AKAP6: variants seen among roughly 807,000 people sequenced by gnomAD.
AKAP6 encodes the protein A-kinase anchoring protein 6.
AKAP6 carries 58 observed loss-of-function variants against 188.5 expected under a neutral mutation model. That is an observed-to-expected ratio of 0.31 (90% CI 0.25 to 0.38). The LOEUF is 0.38. Among genes scored for constraint, AKAP6 ranks in the 10% least tolerant of loss-of-function variants. AKAP6 has a pLI of 1.00. For missense variants in AKAP6, 2,710 were observed against 2,740.0 expected (o/e 0.99, Z 0.24); for synonymous variants, 989 against 998.6 (o/e 0.99, Z 0.18).
At chr14:32,381,859 C>A (rs1888372706) in intron 1 of AKAP6, among the ~76,000 whole-genome samples, 1 of 152,154 alleles carries the variant, frequency 6.6e-6, no homozygotes, top group African/African-American at 2.4e-5. Flanking sequence ...TGGTTTTTAA[C>A]CAGTGTCTCT....
At chr14:32,624,882 A>G (rs56222603) in intron 7 of AKAP6, among the ~76,000 whole-genome samples, 2,744 of 152,194 alleles carry the variant, frequency 0.018, 96 homozygotes, top group African/African-American at 0.061. Flanking sequence ...TGACATTCAA[A>G]TCGTGTAATT....
chr14:32,802,127 A>G (rs1393484882), intron 12 of AKAP6, among the ~76,000 whole-genome samples: 1 of 152,132 alleles, frequency 6.6e-6, no homozygotes, highest in African/African-American at 2.4e-5. Flanking sequence ...TACCATTAGA[A>G]ATTTTCCCAC....
At chr14:32,488,476 G>A (rs755824811) in intron 2 of AKAP6, among the ~76,000 whole-genome samples, 8 of 152,188 alleles carry the variant, frequency 5.3e-5, no homozygotes, top group Non-Finnish European at 1.0e-4. Context: ...CTCCATGGGT[G>A]TGGGATTTGC....
chr14:32,752,818 A>G (rs2032189049), intron 11 of AKAP6, among the ~76,000 whole-genome samples: 1 of 152,142 alleles, frequency 6.6e-6, no homozygotes, highest in African/African-American at 2.4e-5. Context: ...ACTTAATATA[A>G]TGTCTTCCAG....
chr14:32,447,511 A>C (rs1291387108), intron 2 of AKAP6, among the ~76,000 whole-genome samples: 1 of 152,232 alleles, frequency 6.6e-6, no homozygotes, highest in African/African-American at 2.4e-5. Flanking sequence ...TCGGCCAAAA[A>C]AGCAGAATTT....
chr14:32,460,686 A>G (rs1891293603), intron 2 of AKAP6, among the ~76,000 whole-genome samples: 1 of 152,028 alleles, frequency 6.6e-6, no homozygotes, highest in Admixed American at 6.6e-5. Context: ...TTTTTTTCAT[A>G]CCCCATGGGT....
At chr14:32,352,093 G>GTATGTT (rs1368839854) in intron 1 of AKAP6, among the ~76,000 whole-genome samples, 2,606 of 114,584 alleles carry the variant, frequency 0.023, 40 homozygotes, top group African/African-American at 0.1. Flanking sequence ...GTGTGTGTGT[G>GTATGTT]TGTGTGTGTT....
intron 2 of AKAP6, among the ~76,000 whole-genome samples, chr14:32,477,637 A>T (rs1879139954): frequency 6.6e-6 from 1 of 152,234 alleles, no homozygotes; most frequent in African/African-American, 2.4e-5. Context: ...CCGACTTGCA[A>T]AAATGCCTTC....
At position 32,823,092 on chromosome 14, in the gene AKAP6, C is replaced by G. The variant is rs1447356905; in HGVS notation, c.5279C>G (p.Thr1760Ser). 1 of 1,613,742 alleles carries G rather than the reference C, an allele frequency of 6.2e-7. No homozygotes were observed. The highest frequency in any genetic ancestry group is 1.7e-5 in the Admixed American group (1 of 59,928). ...EDDSDLLSSSTLTLTEEELCI... is the reference protein window; with the variant it reads ...EDDSDLLSSSSLTLTEEELCI... ...GACAGCGACCTGCTCTCCAGCTCTA[C>G]CCTTACCTTGACTGAAGAAGAGCTG... Residue 1760 changes from threonine (T) to serine (S), a missense_variant, in exon 13 of 14, where the codon ACC becomes AGC. Coordinates refer to ENST00000280979, the MANE Select transcript of AKAP6 (RefSeq NM_004274.5).
At chr14:32,508,897 C>T (rs1439108649) in intron 2 of AKAP6, among the ~76,000 whole-genome samples, 1 of 151,550 alleles carries the variant, frequency 6.6e-6, no homozygotes, top group Non-Finnish European at 1.5e-5. Context: ...GCAATCTCGG[C>T]TCACTGCAAC....
chr14:32,710,781 G>C (rs1172010474), intron 9 of AKAP6, among the ~76,000 whole-genome samples: 1 of 151,918 alleles, frequency 6.6e-6, no homozygotes, highest in Non-Finnish European at 1.5e-5. Context: ...ATGTATATAG[G>C]GGCTTCACCT....
intron 2 of AKAP6, among the ~76,000 whole-genome samples, chr14:32,481,696 A>G (rs1270179591): frequency 6.6e-6 from 1 of 152,118 alleles, no homozygotes; most frequent in Non-Finnish European, 1.5e-5. Flanking sequence ...GGGAGCTACA[A>G]TTCAACATGA....
chr14:32,499,252 T>A (rs1880480504), intron 2 of AKAP6, among the ~76,000 whole-genome samples: 1 of 149,562 alleles, frequency 6.7e-6, no homozygotes. Flanking sequence ...TTATTTGTTA[T>A]GATTTATCAA....
At chr14:32,509,097 G>T (rs1299084836) in intron 2 of AKAP6, among the ~76,000 whole-genome samples, 1 of 142,888 alleles carries the variant, frequency 7.0e-6, no homozygotes, top group Non-Finnish European at 1.5e-5. Flanking sequence ...GAGATTACAG[G>T]CGTAAGCCAC....
intron 8 of AKAP6, among the ~76,000 whole-genome samples, chr14:32,686,432 A>G (rs1889928828): frequency 6.6e-6 from 1 of 152,164 alleles, no homozygotes. Flanking sequence ...TTTTAAAATA[A>G]AGAAAAGAGT....
rs1435879313 is a variant in AKAP6, at chr14:32,568,431, C to G, written c.2347-8689C>G. Among the ~76,000 whole-genome samples the G allele has an allele frequency of 1.3e-5, 2 of 151,956 alleles. No individual in the cohort carries two copies. The highest frequency in any genetic ancestry group is 4.8e-5 in the African/African-American group (2 of 41,362). Reference sequence around the variant, plus strand: ...TTAGTAGGATAGATGGTAGATGTACCTAAATGTTAAATATTGTTAATTATA... The same window carrying G: ...TTAGTAGGATAGATGGTAGATGTACGTAAATGTTAAATATTGTTAATTATA... On this transcript the variant is annotated intron_variant, in intron 4 of 13. Coordinates refer to ENST00000280979, the MANE Select transcript of AKAP6 (RefSeq NM_004274.5). The surrounding 1 kb of genome is among the most constrained non-coding windows in gnomAD (Gnocchi z 6.2).
chr14:32,632,969 G>T (rs1250274319), intron 7 of AKAP6, among the ~76,000 whole-genome samples: 1 of 152,032 alleles, frequency 6.6e-6, no homozygotes, highest in African/African-American at 2.4e-5. Context: ...TATCGGATCA[G>T]CAGCCACAAA....
At chr14:32,517,439 C>T (rs116035355) in intron 2 of AKAP6, among the ~76,000 whole-genome samples, 2,831 of 152,306 alleles carry the variant, frequency 0.019, 71 homozygotes, top group African/African-American at 0.053. Context: ...GATTGTTGGA[C>T]AGTGGGTGCA....
chr14:32,567,495 C>T (rs1194302673), intron 4 of AKAP6, among the ~76,000 whole-genome samples: 2 of 152,120 alleles, frequency 1.3e-5, no homozygotes, highest in East Asian at 3.9e-4. Flanking sequence ...CATTTTCTTG[C>T]TCGTTCAGTA....
Sources: gnomAD v4.1 joint callset for allele counts (sites outside exome capture counted in the v4.1 genomes callset) on GRCh38, gnomAD v4.1.1 for gene constraint, Gnocchi (gnomAD v3.1) non-coding constraint, MANE v1.5 for transcripts, NCBI Gene and HGNC (gene_info 2026-07-23, HGNC 2026-07-21) for gene names.